The following MBNL2 variants were observed in gnomAD, a reference collection of about 807,000 sequenced individuals.
The protein encoded by MBNL2 is muscleblind-like protein 2.
MBNL2 carries 17 observed loss-of-function variants against 41.9 expected under a neutral mutation model. The ratio of observed to expected loss-of-function variants is 0.41; its 90% CI spans 0.28 to 0.61. MBNL2 has a LOEUF of 0.61. MBNL2 is among the 20% of genes least tolerant of loss of function. MBNL2 has a pLI of 0.35. For synonymous variants in MBNL2, 195 were observed against 182.9 expected (o/e 1.07, Z -0.53); for missense variants, 336 against 505.6 (o/e 0.66, Z 3.22).
At chr13:97,324,785 A>G (rs2059783422) in intron 2 of MBNL2, among the ~76,000 whole-genome samples, 1 of 152,148 alleles carries the variant, frequency 6.6e-6, no homozygotes, top group African/African-American at 2.4e-5. Flanking sequence ...CACTGGTGTA[A>G]GTCTAAGAGT....
At chr13:97,313,983 T>C (rs926167201) in intron 2 of MBNL2, among the ~76,000 whole-genome samples, 1 of 152,210 alleles carries the variant, frequency 6.6e-6, no homozygotes, top group Non-Finnish European at 1.5e-5. Context: ...GTGAAGAACA[T>C]GGAAACCTCT....
chr13:97,247,071 C>T (rs1455566485), intron 1 of MBNL2, among the ~76,000 whole-genome samples: 1 of 152,152 alleles, frequency 6.6e-6, no homozygotes, highest in African/African-American at 2.4e-5. Context: ...TTGTCTATCT[C>T]TGAAATTTAA....
intron 5 of MBNL2, among the ~76,000 whole-genome samples, chr13:97,349,368 A>G (rs192072130): frequency 1.6e-4 from 24 of 152,330 alleles, no homozygotes; most frequent in Admixed American, 1.4e-3. Context: ...CATTTTGCCA[A>G]TGCGACATCC....
chr13:97,235,941 C>T (rs1488136813), intron 1 of MBNL2, among the ~76,000 whole-genome samples: 2 of 151,960 alleles, frequency 1.3e-5, no homozygotes, highest in Non-Finnish European at 2.9e-5. Context: ...AACATGTTAC[C>T]GTTAAATAAT....
chr13:97,194,135 A>G, the MBNL2 span, among the ~76,000 whole-genome samples: 3 of 152,202 alleles, frequency 2.0e-5, no homozygotes, highest in African/African-American at 7.2e-5. Context: ...ATCATGCACA[A>G]TTCTCAATGC....
At position 97,276,406 on chromosome 13, in the gene MBNL2, A is replaced by G. The variant is rs139620750; in HGVS notation, c.171A>G (p.Leu57=). ...NGRVIACFDS[L]KGRCSRENCK... is the part of the protein sequence containing the mutation. ...GAGTAATTGCCTGCTTTGATTCCCTAAAGGTAAGAGAATGCGTTTTATGTG... is the reference window on the plus strand; with the variant it reads ...GAGTAATTGCCTGCTTTGATTCCCTGAAGGTAAGAGAATGCGTTTTATGTG... Residue 57 remains leucine, a synonymous_variant, in exon 2 of 9, where the codon CTA becomes CTG. Transcript: ENST00000679496. The G allele has an allele frequency of 1.9e-6, 3 of 1,613,898 alleles. No individual in the cohort carries two copies. The highest frequency in any genetic ancestry group is 1.7e-6 in the Non-Finnish European group (2 of 1,179,808).
At chr13:97,190,764 ATCCTCTC>A in the MBNL2 span, among the ~76,000 whole-genome samples, 1 of 152,316 alleles carries the variant, frequency 6.6e-6, no homozygotes, top group South Asian at 2.1e-4. Flanking sequence ...GTGACCAGTT[ATCCTCTC>A]CTCTGAATTT....
intron 1 of MBNL2, among the ~76,000 whole-genome samples, chr13:97,256,122 A>G (rs780756485): frequency 6.6e-6 from 1 of 152,236 alleles, no homozygotes; most frequent in Non-Finnish European, 1.5e-5. Flanking sequence ...AAAATAAAAA[A>G]AATTATTGCA....
the MBNL2 span, among the ~76,000 whole-genome samples, chr13:97,166,609 C>A: frequency 6.6e-6 from 1 of 152,060 alleles, no homozygotes; most frequent in African/African-American, 2.4e-5. Flanking sequence ...AGGAGACTGG[C>A]CTAGCCTCTC....
chr13:97,271,287 T>C (rs2050940687), intron 1 of MBNL2, among the ~76,000 whole-genome samples: 1 of 152,044 alleles, frequency 6.6e-6, no homozygotes, highest in Admixed American at 6.6e-5. Flanking sequence ...TTTGTATTTT[T>C]AGTAGAGACA....
At chr13:97,194,018 T>A in the MBNL2 span, among the ~76,000 whole-genome samples, 1 of 152,210 alleles carries the variant, frequency 6.6e-6, no homozygotes, top group Non-Finnish European at 1.5e-5. Flanking sequence ...CACAACATTC[T>A]TCACTCGACT....
At chr13:97,290,336 G>C (rs912033860) in intron 2 of MBNL2, among the ~76,000 whole-genome samples, 3 of 152,100 alleles carry the variant, frequency 2.0e-5, no homozygotes, top group Non-Finnish European at 4.4e-5. Context: ...TCTTGACCTC[G>C]TGGGATTTTC....
chr13:97,241,091 G>T (rs1360685030), intron 1 of MBNL2, among the ~76,000 whole-genome samples: 1 of 152,198 alleles, frequency 6.6e-6, no homozygotes, highest in Non-Finnish European at 1.5e-5. Context: ...CTCAGGAAAG[G>T]TTAGCCTCTT....
chr13:97,204,579 T>G, the MBNL2 span, among the ~76,000 whole-genome samples: 1 of 152,188 alleles, frequency 6.6e-6, no homozygotes, highest in Non-Finnish European at 1.5e-5. Flanking sequence ...ATTGCTTAAA[T>G]TGACTTTCAG....
At chr13:97,325,614 C>T (rs2059848366) in intron 2 of MBNL2, among the ~76,000 whole-genome samples, 1 of 152,164 alleles carries the variant, frequency 6.6e-6, no homozygotes, top group Admixed American at 6.5e-5. Context: ...CCTGTAGTCC[C>T]AGCTACTTGG....
chr13:97,274,808 TACTG>T (rs1219608990), intron 1 of MBNL2, among the ~76,000 whole-genome samples: 3 of 152,198 alleles, frequency 2.0e-5, no homozygotes, highest in East Asian at 3.9e-4. Flanking sequence ...CATCTGAACT[TACTG>T]ACTATATTTT....
chr13:97,222,028 T>G (rs973770996), upstream of MBNL2, among the ~76,000 whole-genome samples: 3 of 152,244 alleles, frequency 2.0e-5, no homozygotes, highest in Non-Finnish European at 4.4e-5. Context: ...GTGTTCACGG[T>G]GAAGCTCCTG....
chr13:97,214,208 A>G, the MBNL2 span, among the ~76,000 whole-genome samples: 1 of 152,226 alleles, frequency 6.6e-6, no homozygotes, highest in Non-Finnish European at 1.5e-5. Context: ...AGCATACACT[A>G]TTTGGTGACA....
chr13:97,297,687 A>T (rs78019929), intron 2 of MBNL2, among the ~76,000 whole-genome samples: 5,103 of 152,220 alleles, frequency 0.034, 268 homozygotes, highest in African/African-American at 0.12. Context: ...AACAATAGAG[A>T]CTAAGATGCT....
Sources: allele counts gnomAD v4.1 joint callset (sites outside exome capture counted in the v4.1 genomes callset), GRCh38; gene constraint gnomAD v4.1.1; transcripts MANE v1.5; gene names NCBI Gene and HGNC (gene_info 2026-07-23, HGNC 2026-07-21).